The following DOCK4 variants were observed in gnomAD, a reference collection of about 807,000 sequenced individuals.
DOCK4 encodes dedicator of cytokinesis 4, also known as dedicator of cytokinesis protein 4.
DOCK4 carries 97 observed loss-of-function variants against 268.1 expected under a neutral mutation model. That is an observed-to-expected ratio of 0.36 (90% confidence interval 0.31 to 0.43). The LOEUF (loss-of-function observed/expected upper bound fraction) is 0.43. Ranked by LOEUF, DOCK4 falls within the 20% of genes least tolerant of loss-of-function variation. The pLI is 1.00. For synonymous variants in DOCK4, 954 were observed against 887.2 expected, an observed-to-expected ratio of 1.08 and a Z score of -1.34; for missense variants, 2,145 against 2,455.7, an observed-to-expected ratio of 0.87 and a Z score of 2.67.
chr7:111,910,630 C>G (rs1792018388), intron 13 of DOCK4, among the ~76,000 whole-genome samples: 1 of 152,066 alleles, frequency 6.6e-6, no homozygotes, highest in Non-Finnish European at 1.5e-5. Flanking sequence ...AAGTGGCTAC[C>G]AAAACATTTA....
In DOCK4 at chr7:111,747,403, T is replaced by A; in HGVS notation, c.4457A>T (p.Glu1486Val). The A allele has an allele frequency of 1.9e-6, 3 of 1,610,378 alleles. No individual in the cohort carries two copies. In the South Asian group the frequency reaches 3.3e-5, roughly 18 times the overall value. Reference protein sequence around the residue: ...SPLENAIEVLENKNQQLKTLI... With the variant: ...SPLENAIEVLVNKNQQLKTLI... Reference sequence around the variant, plus strand: ...AGTCTTCAGCTGCTGATTCTTATTTTCTAGCACTTCAATTGCATTTTCCAG... The same window carrying A: ...AGTCTTCAGCTGCTGATTCTTATTTACTAGCACTTCAATTGCATTTTCCAG... The change falls in exon 43 of 53, where the codon GAA becomes GTA. Residue 1486 changes from glutamate (E) to valine (V), a missense_variant. Glu to Val is a moderately radical substitution (Grantham distance 121, BLOSUM62 -2). Coordinates refer to ENST00000428084, the MANE Select transcript of DOCK4 (RefSeq NM_001363540.2).
chr7:111,995,455 GTGTA>G (rs71150003), intron 4 of DOCK4, among the ~76,000 whole-genome samples: 17,137 of 50,908 alleles, frequency 0.34, 1,197 homozygotes, highest in East Asian at 0.46. Flanking sequence ...GTGTGTGTGT[GTGTA>G]TGTGCAGGTG....
chr7:112,031,788 G>A (rs1302520968), intron 1 of DOCK4, among the ~76,000 whole-genome samples: 1 of 152,124 alleles, frequency 6.6e-6, no homozygotes, highest in East Asian at 1.9e-4. Flanking sequence ...AAACATACAG[G>A]TTTATAAGAG....
At chr7:111,997,913 T>G (rs1800098282) in intron 4 of DOCK4, among the ~76,000 whole-genome samples, 1 of 152,164 alleles carries the variant, frequency 6.6e-6, no homozygotes, top group Non-Finnish European at 1.5e-5. Flanking sequence ...GACTAGAAAT[T>G]TTTTTAATGT....
At chr7:111,785,947 G>C (rs1034241095) in intron 32 of DOCK4, among the ~76,000 whole-genome samples, 6 of 152,124 alleles carry the variant, frequency 3.9e-5, no homozygotes, top group Non-Finnish European at 8.8e-5. Flanking sequence ...AGAAATCTGT[G>C]TGTGTGTCGG....
At chr7:111,821,770 T>C (rs1801997778) in intron 27 of DOCK4, 1 of 152,204 alleles carries the variant, frequency 6.6e-6, no homozygotes, top group African/African-American at 2.4e-5. Context: ...AACGTCAATC[T>C]CCATGTGTCC....
intron 1 of DOCK4, among the ~76,000 whole-genome samples, chr7:112,143,757 C>T (rs952911566): frequency 1.1e-4 from 17 of 152,170 alleles, no homozygotes; most frequent in African/African-American, 3.9e-4. Context: ...GGGCCAAACC[C>T]AACCCCAGCC....
chr7:111,977,030 G>T, intron 8 of DOCK4, 102 bp downstream of exon 8: 2 of 1,328,042 alleles, frequency 1.5e-6, no homozygotes, highest in Non-Finnish European at 2.0e-6. Flanking sequence ...TGAAGCTGAC[G>T]GAGTAAAAAA....
intron 1 of DOCK4, among the ~76,000 whole-genome samples, chr7:112,191,475 C>T (rs1159449325): frequency 6.6e-6 from 1 of 151,976 alleles, no homozygotes; most frequent in African/African-American, 2.4e-5. Flanking sequence ...AGTCAGCATA[C>T]TGACTGACCA....
intron 1 of DOCK4, among the ~76,000 whole-genome samples, chr7:112,111,381 T>C (rs910927944): frequency 6.6e-6 from 1 of 152,076 alleles, no homozygotes; most frequent in Non-Finnish European, 1.5e-5. Flanking sequence ...CCTTAGGACA[T>C]AGGCGGGGGT....
At chr7:111,748,063 C>T (rs1394188667) in intron 42 of DOCK4, among the ~76,000 whole-genome samples, 1 of 152,088 alleles carries the variant, frequency 6.6e-6, no homozygotes, top group Non-Finnish European at 1.5e-5. Flanking sequence ...TTAAAAATTC[C>T]AGGCTGTATG....
chr7:112,184,276 C>T (rs1819299795), intron 1 of DOCK4, among the ~76,000 whole-genome samples: 1 of 152,188 alleles, frequency 6.6e-6, no homozygotes, highest in African/African-American at 2.4e-5. Flanking sequence ...GAAAACTGCA[C>T]ACACACAGCC....
chr7:112,047,992 A>G (rs976014043), intron 1 of DOCK4, among the ~76,000 whole-genome samples: 1 of 152,178 alleles, frequency 6.6e-6, no homozygotes, highest in Non-Finnish European at 1.5e-5. Flanking sequence ...TGCCTGGCCG[A>G]GAAAAAAATT....
At chr7:111,788,420 G>A (rs1361861774) in intron 32 of DOCK4, 2 of 476,786 alleles carry the variant, frequency 4.2e-6, no homozygotes, top group African/African-American at 3.8e-5. Flanking sequence ...GATTTGTTAT[G>A]TAACATATGC....
chr7:111,993,205 C>A (rs1453287506), intron 5 of DOCK4, among the ~76,000 whole-genome samples: 1 of 152,356 alleles, frequency 6.6e-6, no homozygotes, highest in Non-Finnish European at 1.5e-5. Context: ...CACTATCATT[C>A]TGCCAGTGTC....
At chr7:112,023,523 CACA>C (rs1434017500) in intron 1 of DOCK4, 2 of 365,882 alleles carry the variant, frequency 5.5e-6, no homozygotes, top group African/African-American at 4.3e-5. Flanking sequence ...AGGAAGAAAG[CACA>C]ACATTAGATG....
intron 1 of DOCK4, among the ~76,000 whole-genome samples, chr7:112,120,348 A>G (rs1461003989): frequency 6.6e-6 from 1 of 152,192 alleles, no homozygotes; most frequent in Non-Finnish European, 1.5e-5. Context: ...TAGTAGCGCT[A>G]TTTTAAAATA....
chr7:112,150,417 C>T (rs1815948433), intron 1 of DOCK4, among the ~76,000 whole-genome samples: 1 of 152,126 alleles, frequency 6.6e-6, no homozygotes, highest in Non-Finnish European at 1.5e-5. Context: ...TTTGAATCTG[C>T]TCATTCTGTC....
intron 7 of DOCK4, among the ~76,000 whole-genome samples, chr7:111,981,805 AATGAGACCCTAG>A (rs1798629771): frequency 6.6e-6 from 1 of 152,154 alleles, no homozygotes; most frequent in African/African-American, 2.4e-5. Context: ...ATTGCTAATC[AATGAGACCCTAG>A]ATGAGACCCT....
Sources: gnomAD v4.1 joint callset for allele counts (sites outside exome capture counted in the v4.1 genomes callset) on GRCh38, gnomAD v4.1.1 for gene constraint, MANE v1.5 for transcripts, NCBI Gene and HGNC (gene_info 2026-07-23, HGNC 2026-07-21) for gene names.